Variants in UBR2 observed in about 807,000 individuals in gnomAD.
UBR2 encodes ubiquitin protein ligase E3 component n-recognin 2.
Under a neutral mutation model 247.9 loss-of-function variants are expected in UBR2, and 92 were observed. The ratio of observed to expected loss-of-function variants is 0.37; its 90% confidence interval spans 0.31 to 0.44. UBR2 has a LOEUF of 0.44. UBR2 is among the 20% of genes least tolerant of loss of function. The pLI is 1.00. For synonymous variants in UBR2, 672 were observed against 693.5 expected, an observed-to-expected ratio of 0.97 and a Z score of 0.49; for missense variants, 1,613 against 2,112.6, an observed-to-expected ratio of 0.76 and a Z score of 4.64.
At chr6:42,575,204 T>A (rs1159173641) in intron 2 of UBR2, among the ~76,000 whole-genome samples, 2 of 151,778 alleles carry the variant, frequency 1.3e-5, no homozygotes, top group Non-Finnish European at 2.9e-5. Context: ...ATTATTTAAC[T>A]TTTTCCTTTA....
intron 7 of UBR2, among the ~76,000 whole-genome samples, chr6:42,607,271 A>G (rs1343764472): frequency 6.6e-6 from 1 of 151,412 alleles, no homozygotes; most frequent in Admixed American, 6.6e-5. Context: ...CCTGGGTTCA[A>G]GTGATTCAGC....
chr6:42,570,329 G>T (rs2151899452), intron 1 of UBR2, among the ~76,000 whole-genome samples: 1 of 152,112 alleles, frequency 6.6e-6, no homozygotes, highest in African/African-American at 2.4e-5. Context: ...ACCTCCTGAG[G>T]TCAAGCGATT....
intron 44 of UBR2, among the ~76,000 whole-genome samples, chr6:42,685,907 G>A (rs1337008369): frequency 1.3e-5 from 2 of 151,740 alleles, no homozygotes; most frequent in Admixed American, 6.6e-5. Context: ...TAATGTAAGA[G>A]CTTAAACATT....
chr6:42,640,260 T>C lies in UBR2; in HGVS notation c.1910T>C (p.Leu637Pro), dbSNP rs1313023593. The change falls in exon 16 of 47, where the codon CTC becomes CCC. Residue 637 changes from leucine to proline, a missense_variant. This residue lies in a region of UBR2 where 1,524 missense variants were observed against 1,967.3 expected (regional missense o/e 0.77). Transcript: ENST00000372901. ...KSEVAYKFPE[L>P]LPLSELSPPM... ...GAAGTGGCATATAAATTTCCAGAGC[T>C]CCTACCTCTAGTAAGTGGTGCTTAC... 1.2e-6 allele frequency: 2 copies of C among 1,607,454 alleles called. No individual in the cohort carries two copies. Among genetic ancestry groups the C allele is most frequent in the Middle Eastern group, 1.6e-4 (1 of 6,070 alleles).
intron 4 of UBR2, among the ~76,000 whole-genome samples, chr6:42,596,629 A>G (rs936762491): frequency 1.3e-5 from 2 of 152,240 alleles, no homozygotes; most frequent in African/African-American, 4.8e-5. Context: ...TAATATACAT[A>G]CAATGGAATA....
chr6:42,669,726 C>T (rs531084432), intron 34 of UBR2, among the ~76,000 whole-genome samples: 16 of 152,180 alleles, frequency 1.1e-4, no homozygotes, highest in African/African-American at 3.9e-4. Context: ...TGGTGACCCC[C>T]GAATGTCTGT....
chr6:42,582,282 C>CAAAAAAAAAAAAAAAAA, intron 2 of UBR2, among the ~76,000 whole-genome samples: 1 of 85,890 alleles, frequency 1.2e-5, no homozygotes, highest in Non-Finnish European at 2.2e-5. Context: ...GACTCCGTCT[C>CAAAAAAAAAAAAAAAAA]AAAAAAAAAA....
intron 34 of UBR2, among the ~76,000 whole-genome samples, chr6:42,668,812 C>T (rs1053842797): frequency 1.5e-4 from 23 of 152,052 alleles, no homozygotes; most frequent in African/African-American, 5.3e-4. Flanking sequence ...TGGGCTCAAG[C>T]GATCCTCCCG....
intron 21 of UBR2, among the ~76,000 whole-genome samples, chr6:42,646,429 T>G (rs957041301): frequency 6.6e-6 from 1 of 152,212 alleles, no homozygotes; most frequent in African/African-American, 2.4e-5. Flanking sequence ...CCAGTCTGGT[T>G]TCATCTATAC....
At chr6:42,606,761 T>A (rs1793729735) in intron 7 of UBR2, 110 bp downstream of exon 7, 1 of 862,750 alleles carries the variant, frequency 1.2e-6, no homozygotes, top group African/African-American at 1.7e-5. Flanking sequence ...AAACCAAAAA[T>A]TATGTTTAAA....
intron 3 of UBR2, among the ~76,000 whole-genome samples, chr6:42,592,679 G>T (rs891815520): frequency 2.0e-5 from 3 of 152,122 alleles, no homozygotes; most frequent in African/African-American, 4.8e-5. Context: ...TCCTGTCCTG[G>T]TTCCTCTATT....
chr6:42,676,072 C>T lies in UBR2; in HGVS notation c.4268C>T (p.Ala1423Val), dbSNP rs200468826. 3.7e-6 allele frequency: 6 copies of T among 1,612,288 alleles called. No homozygotes were observed. The highest frequency in any genetic ancestry group is 5.1e-6 in the Non-Finnish European group (6 of 1,179,490). Residue 1423 changes from alanine (A) to valine (V), a missense_variant, in exon 39 of 47, where the codon GCA (alanine) becomes GTA (valine). By Grantham distance (64) the Ala-to-Val change is moderately conservative. Coordinates refer to ENST00000372901, the MANE Select transcript of UBR2 (RefSeq NM_001363705.2). ...GGTGCCTAGGTGGGCTTGGTGCTTGCATTTCCTGCGTTGCAGTGTCAGGAT... is the reference window on the plus strand; with the variant it reads ...GGTGCCTAGGTGGGCTTGGTGCTTGTATTTCCTGCGTTGCAGTGTCAGGAT... ...MFHLLVGLVL[A>V]FPALQCQDFS...
chr6:42,686,026 A>G (rs1002155706), intron 44 of UBR2, among the ~76,000 whole-genome samples: 2 of 151,856 alleles, frequency 1.3e-5, no homozygotes, highest in South Asian at 4.2e-4. Context: ...ATTCCTATAC[A>G]TTAACTATAT....
At chr6:42,670,739 C>G (rs1311342157) in intron 36 of UBR2, 24 bp downstream of exon 36, 2 of 1,591,442 alleles carry the variant, frequency 1.3e-6, no homozygotes, top group East Asian at 2.3e-5. Flanking sequence ...TTATTCAGTT[C>G]ATGATAGTGG....
chr6:42,620,494 G>GTTTTTTTTTTTTTTTTTT (rs1282900841), intron 11 of UBR2: 3 of 97,070 alleles, frequency 3.1e-5, no homozygotes, highest in Non-Finnish European at 2.2e-5. Context: ...TTTTTTTTTT[G>GTTTTTTTTTTTTTTTTTT]TTTTTGTTTT....
chr6:42,631,932 A>T (rs1484794745), intron 11 of UBR2, among the ~76,000 whole-genome samples: 2 of 141,798 alleles, frequency 1.4e-5, no homozygotes, highest in African/African-American at 5.2e-5. Flanking sequence ...ATACACATAC[A>T]TATACCATCT....
chr6:42,670,145 C>T lies in UBR2; in HGVS notation c.3935C>T (p.Thr1312Ile). ...KEMLTTFGTA[T>I]YKVGLKVHPN... is the part of the protein sequence containing the mutation. ...ATGCTAACGACATTTGGAACTGCTA[C>T]CTACAAGGTGGGACTAAAGGTTCAT... Residue 1312 changes from threonine to isoleucine, a missense_variant, in exon 35 of 47, where the codon ACC (threonine) becomes ATC (isoleucine). By Grantham distance (89) the Thr-to-Ile change is moderately conservative. Around this residue, in one of 3 missense-constraint regions of UBR2, gnomAD observed 1,524 missense variants for 1,967.3 expected, o/e 0.77. Transcript: ENST00000372901. The T allele has an allele frequency of 2.5e-6, 4 of 1,614,160 alleles. No individual in the cohort carries two copies. Among genetic ancestry groups the T allele is most frequent in the East Asian group, 2.2e-5 (1 of 44,882 alleles).
rs769143065 is a variant in UBR2 at position 42,670,189 on chromosome 6, C to T, written c.3979C>T (p.Arg1327Cys). 22 of 1,614,020 alleles carry T rather than the reference C, an allele frequency of 1.4e-5. No homozygotes were observed. The East Asian group carries it at 2.2e-4, about 16-fold the overall frequency. The change falls in exon 35 of 47, where the codon CGT becomes TGT. Residue 1327 changes from arginine (R) to cysteine (C), a missense_variant. Arg to Cys is a radical substitution (Grantham distance 180). This residue lies in a region of UBR2 where 1,524 missense variants were observed against 1,967.3 expected (regional missense o/e 0.77). Transcript: ENST00000372901. Reference sequence around the variant, plus strand: ...GGTTCATCCCAATGAAGAGGATCCTCGTGTTCCCATAATGTGTTGGGGTAG... The same window carrying T: ...GGTTCATCCCAATGAAGAGGATCCTTGTGTTCCCATAATGTGTTGGGGTAG... The part of the protein sequence containing the change: ...LKVHPNEEDP[R>C]VPIMCWGSCA...
chr6:42,640,895 A>G (rs1037519311), intron 16 of UBR2, among the ~76,000 whole-genome samples: 17 of 151,746 alleles, frequency 1.1e-4, no homozygotes, highest in Non-Finnish European at 1.2e-4. Flanking sequence ...CTCCCAGCTA[A>G]TTTTTGTATT....
Sources: allele counts gnomAD v4.1 joint callset (sites outside exome capture counted in the v4.1 genomes callset), GRCh38; gene constraint gnomAD v4.1.1; regional missense constraint gnomAD v4.1.1; transcripts MANE v1.5; gene names NCBI Gene and HGNC (gene_info 2026-07-23, HGNC 2026-07-21).